Variants in GATA4 observed in about 807,000 individuals in gnomAD.
The protein encoded by GATA4 is GATA binding protein 4.
In GATA4, 7 loss-of-function variants were observed where a neutral mutation model predicts 37.9. That is an observed-to-expected ratio of 0.18 (90% CI 0.11 to 0.35). The LOEUF (loss-of-function observed/expected upper bound fraction) is 0.35. Ranked by LOEUF, GATA4 falls within the 10% of genes least tolerant of loss-of-function variation. GATA4 has a pLI of 1.00. For missense variants in GATA4, 647 were observed against 653.0 expected (o/e 0.99, Z 0.10); for synonymous variants, 372 against 292.6 (o/e 1.27, Z -2.77).
chr8:11,725,042 A>C (rs76464502), intron 2 of GATA4, among the ~76,000 whole-genome samples: 3,099 of 152,264 alleles, frequency 0.02, 75 homozygotes, highest in East Asian at 0.11. Flanking sequence ...GGTGGCCTTC[A>C]CGTTTGCTTC....
At chr8:11,748,792 G>A in intron 2 of GATA4, 124 bp from the exon 3 acceptor site, 1 of 1,081,466 alleles carries the variant, frequency 9.2e-7, no homozygotes, top group Non-Finnish European at 1.4e-6. Flanking sequence ...GCAGCCCGAG[G>A]TGGTCTTCTC....
At chr8:11,754,207 T>C (rs1372730654) in intron 4 of GATA4, among the ~76,000 whole-genome samples, 1 of 152,156 alleles carries the variant, frequency 6.6e-6, no homozygotes, top group African/African-American at 2.4e-5. Context: ...CAATAATTGA[T>C]AGCACCGCTG....
Position 11,749,138 on chromosome 8 carries a change from C to T in GATA4, c.786+53C>T. The T allele has an allele frequency of 3.2e-6, 5 of 1,578,650 alleles. No individual in the cohort carries two copies. The highest frequency in any genetic ancestry group is 1.3e-5 in the African/African-American group (1 of 74,274). ...GGGCACCTGGCTGCGGAGCTCTCGC[C>T]TTGGTGGGACATCCTCTGGTTTTGA... On this transcript the variant is annotated intron_variant, in intron 3 of 6. Coordinates refer to ENST00000532059, the MANE Select transcript of GATA4 (RefSeq NM_001308093.3). The surrounding 1 kb of genome is among the most constrained non-coding windows in gnomAD (Gnocchi z 4.6).
At chr8:11,754,121 C>T (rs990955266) in intron 4 of GATA4, among the ~76,000 whole-genome samples, 7 of 152,260 alleles carry the variant, frequency 4.6e-5, no homozygotes, top group African/African-American at 1.7e-4. Context: ...CAATGCAGTA[C>T]AGAGCTGCAA....
intron 1 of GATA4, among the ~76,000 whole-genome samples, chr8:11,678,655 TA>T (rs1300131392): frequency 5.9e-5 from 9 of 152,278 alleles, no homozygotes; most frequent in African/African-American, 2.2e-4. Flanking sequence ...TAAGTAGTAG[TA>T]GCAGTAGTTG....
At chr8:11,750,054 G>A (rs1167913827) in intron 3 of GATA4, 57 bp from the exon 4 acceptor site, 1 of 1,612,902 alleles carries the variant, frequency 6.2e-7, no homozygotes, top group African/African-American at 1.3e-5. Context: ...CACGCGAGGT[G>A]GAAGGGCAGT....
Position 11,750,125 on chromosome 8 carries a change from A to T in GATA4, c.801A>T (p.Arg267=). Residue 267 remains arginine (R), a synonymous_variant, in exon 4 of 7, where the codon CGA becomes CGT. Transcript: ENST00000532059. Reference sequence around the variant, plus strand: ...CTGTCTTGCAGTCCGCCTCCCGCCGAGTGGGCCTCTCCTGTGCCAACTGCC... The same window carrying T: ...CTGTCTTGCAGTCCGCCTCCCGCCGTGTGGGCCTCTCCTGTGCCAACTGCC... ...KPQRRLSASR[R]VGLSCANCQT... 1 of 1,614,120 alleles carries T rather than the reference A, an allele frequency of 6.2e-7. No homozygotes were observed. The highest frequency in any genetic ancestry group is 8.5e-7 in the Non-Finnish European group (1 of 1,180,040).
intron 2 of GATA4, among the ~76,000 whole-genome samples, chr8:11,736,773 G>A (rs965080227): frequency 1.3e-5 from 2 of 152,198 alleles, no homozygotes; most frequent in Non-Finnish European, 2.9e-5. Context: ...GCAGAGTAAG[G>A]TATAGCGTTA....
At chr8:11,703,717 A>T (rs115367741), upstream of GATA4, among the ~76,000 whole-genome samples, 11 of 152,158 alleles carry the variant, frequency 7.2e-5, no homozygotes, top group Non-Finnish European at 1.2e-4. Context: ...CTGAACCTCC[A>T]AGGAATCCGG....
intron 2 of GATA4, among the ~76,000 whole-genome samples, chr8:11,722,830 C>T (rs947016549): frequency 1.2e-4 from 18 of 152,192 alleles, no homozygotes; most frequent in African/African-American, 3.9e-4. Flanking sequence ...ATTCTACTGC[C>T]ACCATTCCTT....
intron 2 of GATA4, among the ~76,000 whole-genome samples, chr8:11,722,310 A>ATGTCATTTTACCCACAAATACTTTTG (rs1800714462): frequency 6.6e-6 from 1 of 152,232 alleles, no homozygotes; most frequent in Admixed American, 6.5e-5. Flanking sequence ...TCCAAACAGC[A>ATGTCATTTTACCCACAAATACTTTTG]TGTCATTTTA....
At chr8:11,678,855 G>T (rs1798862842) in intron 1 of GATA4, among the ~76,000 whole-genome samples, 1 of 151,974 alleles carries the variant, frequency 6.6e-6, no homozygotes, top group Admixed American at 6.6e-5. Flanking sequence ...AAGTGATTTT[G>T]CATTCTCAAG....
chr8:11,703,476 G>A (rs1466253631), upstream of GATA4, among the ~76,000 whole-genome samples: 1 of 152,090 alleles, frequency 6.6e-6, no homozygotes, highest in Non-Finnish European at 1.5e-5. Flanking sequence ...CCCTTGCCAC[G>A]TCCCTTGGAT....
chr8:11,698,471 G>A (rs1201298598), intron 1 of GATA4, among the ~76,000 whole-genome samples: 1 of 152,086 alleles, frequency 6.6e-6, no homozygotes, highest in African/African-American at 2.4e-5. Context: ...CTGCTGGCCA[G>A]TCATTTCTCT....
chr8:11,748,857 T>A (rs1249180485), intron 2 of GATA4, 59 bp from the exon 3 acceptor site: 19 of 1,581,364 alleles, frequency 1.2e-5, no homozygotes, highest in Non-Finnish European at 1.7e-5. Flanking sequence ...ATGTGAGAGC[T>A]GGGCATAAAC....
chr8:11,679,508 C>T (rs1357232722), intron 1 of GATA4, among the ~76,000 whole-genome samples: 1 of 152,230 alleles, frequency 6.6e-6, no homozygotes, highest in Non-Finnish European at 1.5e-5. Flanking sequence ...GGAGCCCTCT[C>T]AGGCTGGCGG....
chr8:11,749,887 G>A lies in GATA4; in HGVS notation c.787-224G>A, dbSNP rs3735814. 0.55 allele frequency among the ~76,000 whole-genome samples: 82,968 copies of A among 152,154 alleles called. 23,302 individuals are homozygous for A. The highest frequency in any genetic ancestry group is 0.89 in the East Asian group (4,583 of 5,166). ...CTGGAAACCAGGTCTCGATGCCCAC[G>A]TTCGCTCTCCTCGGGCAGCAGAAAC... On this transcript the variant is annotated intron_variant, in intron 3 of 6. Transcript: ENST00000532059. This position sits in a 1 kb window ranked among gnomAD's most constrained non-coding sequence, Gnocchi z 4.6.
At chr8:11,724,370 G>C (rs73203499) in intron 2 of GATA4, among the ~76,000 whole-genome samples, 7 of 152,112 alleles carry the variant, frequency 4.6e-5, no homozygotes, top group African/African-American at 1.7e-4. Context: ...ATGCTATGTG[G>C]TTTTTAGGGA....
At chr8:11,678,552 G>C (rs1335250074) in intron 1 of GATA4, among the ~76,000 whole-genome samples, 1 of 152,202 alleles carries the variant, frequency 6.6e-6, no homozygotes, top group African/African-American at 2.4e-5. Context: ...AGTGGGAAAA[G>C]CAGGGACGGG....
Sources: gnomAD v4.1 joint callset for allele counts (sites outside exome capture counted in the v4.1 genomes callset) on GRCh38, gnomAD v4.1.1 for gene constraint, Gnocchi (gnomAD v3.1) non-coding constraint, MANE v1.5 for transcripts, NCBI Gene and HGNC (gene_info 2026-07-23, HGNC 2026-07-21) for gene names.